Variants in KCNIP4 observed in about 807,000 individuals in gnomAD.
KCNIP4 encodes the protein potassium voltage-gated channel interacting protein 4.
Under a neutral mutation model 34.0 loss-of-function variants are expected in KCNIP4, and 12 were observed. The observed-to-expected ratio is 0.35, with a 90% CI of 0.23 to 0.57. KCNIP4 has a LOEUF of 0.57. KCNIP4 is among the 20% of genes least tolerant of loss of function. The pLI is 0.83. For synonymous variants in KCNIP4, 124 were observed against 102.2 expected, an observed-to-expected ratio of 1.21 and a Z score of -1.29; for missense variants, 238 against 311.7, an observed-to-expected ratio of 0.76 and a Z score of 1.78.
At chr4:21,789,588 G>C (rs1205714855) in intron 1 of KCNIP4, among the ~76,000 whole-genome samples, 1 of 152,206 alleles carries the variant, frequency 6.6e-6, no homozygotes, top group African/African-American at 2.4e-5. Flanking sequence ...GGAGGTTTAA[G>C]ACTACGTAAC....
At chr4:21,241,893 G>A (rs1038335573) in intron 1 of KCNIP4, among the ~76,000 whole-genome samples, 3 of 152,028 alleles carry the variant, frequency 2.0e-5, no homozygotes, top group Non-Finnish European at 2.9e-5. Flanking sequence ...GGCCGGGCGT[G>A]GTGGCTCACG....
chr4:20,765,667 T>A (rs1755333398), intron 3 of KCNIP4, among the ~76,000 whole-genome samples: 1 of 152,200 alleles, frequency 6.6e-6, no homozygotes, highest in Non-Finnish European at 1.5e-5. Flanking sequence ...GCTGGAGGTC[T>A]CTGGTTCTGC....
At chr4:21,361,241 ATTTTTT>A (rs1719187230) in intron 1 of KCNIP4, among the ~76,000 whole-genome samples, 1 of 152,004 alleles carries the variant, frequency 6.6e-6, no homozygotes, top group Non-Finnish European at 1.5e-5. Flanking sequence ...TGATTGACTC[ATTTTTT>A]GATTCTTCAG....
At chr4:21,038,963 A>C (rs1181275068) in intron 1 of KCNIP4, among the ~76,000 whole-genome samples, 1 of 152,162 alleles carries the variant, frequency 6.6e-6, no homozygotes, top group East Asian at 1.9e-4. Context: ...CATCCACATC[A>C]TTCTCATGTT....
chr4:21,043,263 TA>T (rs1256607831), intron 1 of KCNIP4, among the ~76,000 whole-genome samples: 1 of 152,224 alleles, frequency 6.6e-6, no homozygotes, highest in Non-Finnish European at 1.5e-5. Flanking sequence ...TGAAATAAAA[TA>T]ATACAAATGG....
intron 1 of KCNIP4, among the ~76,000 whole-genome samples, chr4:20,979,379 T>C (rs561765075): frequency 1.3e-5 from 2 of 151,672 alleles, no homozygotes; most frequent in Admixed American, 1.3e-4. Context: ...ATAACTAGTA[T>C]CTCTGCTTCC....
intron 1 of KCNIP4, among the ~76,000 whole-genome samples, chr4:21,618,637 T>C (rs1210982255): frequency 5.0e-5 from 7 of 139,438 alleles, no homozygotes; most frequent in African/African-American, 7.9e-5. Context: ...TTTCTTTTTT[T>C]TTTTTTTTTT....
intron 1 of KCNIP4, among the ~76,000 whole-genome samples, chr4:21,473,716 T>A (rs74857477): frequency 1.0e-5 from 1 of 95,654 alleles, no homozygotes; most frequent in Non-Finnish European, 2.2e-5. Context: ...CTGAGAATTC[T>A]TTTTTTTTTT....
intron 1 of KCNIP4, among the ~76,000 whole-genome samples, chr4:21,785,619 T>TAAATAAAATAAAAA (rs1560712838): frequency 8.2e-6 from 1 of 122,468 alleles, no homozygotes; most frequent in African/African-American, 4.6e-5. Context: ...ATAAATAAAA[T>TAAATAAAATAAAAA]AAAAAAATAA....
chr4:20,870,675 G>C (rs1425254708), intron 2 of KCNIP4, among the ~76,000 whole-genome samples: 1 of 152,064 alleles, frequency 6.6e-6, no homozygotes, highest in Non-Finnish European at 1.5e-5. Flanking sequence ...TTCCTGTTTG[G>C]AATTGATAGG....
chr4:21,825,765 A>G (rs1722644953), intron 1 of KCNIP4, among the ~76,000 whole-genome samples: 2 of 152,170 alleles, frequency 1.3e-5, no homozygotes, highest in Admixed American at 6.5e-5. Flanking sequence ...AGTTATTACT[A>G]AGGTAGACAA....
intron 1 of KCNIP4, among the ~76,000 whole-genome samples, chr4:20,897,339 T>G (rs888172252): frequency 6.6e-6 from 1 of 152,036 alleles, no homozygotes; most frequent in African/African-American, 2.4e-5. Flanking sequence ...TCAAAAATCT[T>G]CAAGATCTCT....
At chr4:21,233,966 T>C (rs1759007343) in intron 1 of KCNIP4, among the ~76,000 whole-genome samples, 1 of 137,660 alleles carries the variant, frequency 7.3e-6, no homozygotes, top group South Asian at 2.2e-4. Flanking sequence ...ATATAACATA[T>C]ATTATATAAC....
At chr4:20,840,628 C>A (rs1719606615) in intron 3 of KCNIP4, among the ~76,000 whole-genome samples, 1 of 152,128 alleles carries the variant, frequency 6.6e-6, no homozygotes, top group African/African-American at 2.4e-5. Flanking sequence ...ATAGTGGAAC[C>A]ACGAGATGGA....
chr4:21,002,972 A>G (rs997143422), intron 1 of KCNIP4, among the ~76,000 whole-genome samples: 4 of 152,210 alleles, frequency 2.6e-5, no homozygotes, highest in Non-Finnish European at 5.9e-5. Context: ...CATCCCTCAC[A>G]TAATGAAAGA....
Position 21,514,182 on chromosome 4 carries a change from G to A in KCNIP4, c.61+434389C>T, listed in dbSNP as rs140192354. Among the ~76,000 whole-genome samples the A allele has an allele frequency of 5.1e-3, 776 of 152,234 alleles. 9 individuals are homozygous for A. Among genetic ancestry groups the A allele is most frequent in the Middle Eastern group, 0.017 (5 of 294 alleles). On this transcript the variant is annotated intron_variant, in intron 1 of 8. Transcript: ENST00000382152. ...GTCCCTGACCCTTTGGAGACAATGC[G>A]GTTTCCCTGATGTAACCTTACAAAT...
chr4:20,887,860 T>C (rs569620540), intron 1 of KCNIP4, among the ~76,000 whole-genome samples: 2 of 152,146 alleles, frequency 1.3e-5, no homozygotes, highest in Admixed American at 6.5e-5. Context: ...TTTCCTTTCC[T>C]ACTTTCTTTG....
intron 1 of KCNIP4, among the ~76,000 whole-genome samples, chr4:21,251,216 A>G (rs925951786): frequency 3.3e-5 from 5 of 152,212 alleles, no homozygotes; most frequent in African/African-American, 1.2e-4. Context: ...AAATCTATCT[A>G]TATTGTTAGA....
chr4:21,402,511 C>T (rs867064658), intron 1 of KCNIP4, among the ~76,000 whole-genome samples: 23 of 152,170 alleles, frequency 1.5e-4, no homozygotes, highest in Admixed American at 6.5e-5. Context: ...TCCTTGTAGG[C>T]GGGAATAACT....
Sources: gnomAD v4.1 joint callset for allele counts (sites outside exome capture counted in the v4.1 genomes callset) on GRCh38, gnomAD v4.1.1 for gene constraint, MANE v1.5 for transcripts, NCBI Gene and HGNC (gene_info 2026-07-23, HGNC 2026-07-21) for gene names.